Variants in GRID2 observed in about 807,000 individuals in gnomAD.
The protein encoded by GRID2 is glutamate ionotropic receptor delta type subunit 2, also known as glutamate receptor ionotropic, delta-2.
In GRID2, 33 loss-of-function variants were observed where a neutral mutation model predicts 114.8. That is an observed-to-expected ratio of 0.29 (90% confidence interval 0.22 to 0.38). The LOEUF is 0.38. GRID2 is among the 10% of genes least tolerant of loss of function. The pLI is 1.00. For synonymous variants in GRID2, 505 were observed against 449.9 expected (o/e 1.12, Z -1.55); for missense variants, 1,184 against 1,257.7 (o/e 0.94, Z 0.89).
At chr4:92,571,507 T>C (rs563597034) in intron 1 of GRID2, among the ~76,000 whole-genome samples, 16 of 152,270 alleles carry the variant, frequency 1.1e-4, no homozygotes, top group African/African-American at 3.6e-4. Flanking sequence ...ATCCAGGAAT[T>C]GAACTCAGCT....
intron 1 of GRID2, among the ~76,000 whole-genome samples, chr4:92,445,364 A>G (rs183950326): frequency 7.5e-4 from 114 of 152,340 alleles, no homozygotes; most frequent in African/African-American, 2.6e-3. Flanking sequence ...ATCAGCATAT[A>G]AAAGTGAAGG....
chr4:92,598,454 A>G (rs1729054510), intron 2 of GRID2, among the ~76,000 whole-genome samples: 1 of 152,026 alleles, frequency 6.6e-6, no homozygotes, highest in African/African-American at 2.4e-5. Context: ...GACTCTCCAT[A>G]TTATACTGCA....
intron 13 of GRID2, among the ~76,000 whole-genome samples, chr4:93,566,223 C>G (rs965643606): frequency 6.6e-6 from 1 of 152,086 alleles, no homozygotes; most frequent in Non-Finnish European, 1.5e-5. Flanking sequence ...GATTGATGCA[C>G]GCAATGTGCA....
chr4:93,691,200 ATAAACT>A (rs764344631), intron 14 of GRID2, among the ~76,000 whole-genome samples: 87 of 152,050 alleles, frequency 5.7e-4, no homozygotes, highest in Middle Eastern at 6.8e-3. Context: ...AAATTCTAAA[ATAAACT>A]TAATGATGAT....
intron 2 of GRID2, among the ~76,000 whole-genome samples, chr4:92,654,630 G>A (rs1327063350): frequency 1.3e-5 from 2 of 151,850 alleles, no homozygotes; most frequent in African/African-American, 2.4e-5. Context: ...ATATTTCATT[G>A]TGGTTTTGAT....
Position 93,055,549 on chromosome 4 carries a change from T to TA in GRID2, c.245-29440dup, listed in dbSNP as rs539094970. Among the ~76,000 whole-genome samples, 113 of 151,880 alleles carry TA rather than the reference T, an allele frequency of 7.4e-4. 3 individuals are homozygous for TA. Among genetic ancestry groups the TA allele is most frequent in the South Asian group, 1.2e-3 (6 of 4,814 alleles). ...CAACAACAACAACAACAAAAACATATAAAAAATGATAATAAATTGGATAGC... is the reference window on the plus strand; with the variant it reads ...CAACAACAACAACAACAAAAACATATAAAAAAATGATAATAAATTGGATAGC... On this transcript the variant is annotated intron_variant, in intron 2 of 15. Coordinates refer to ENST00000282020, the MANE Select transcript of GRID2 (RefSeq NM_001510.4).
At chr4:93,338,553 A>C (rs1307392325) in intron 8 of GRID2, among the ~76,000 whole-genome samples, 2 of 152,228 alleles carry the variant, frequency 1.3e-5, no homozygotes, top group African/African-American at 4.8e-5. Flanking sequence ...TTATAATATA[A>C]ATTTTGTATT....
intron 8 of GRID2, among the ~76,000 whole-genome samples, chr4:93,267,284 C>CCA (rs1021799056): frequency 5.3e-5 from 8 of 151,736 alleles, no homozygotes; most frequent in African/African-American, 1.7e-4. Context: ...TGCGCTGCAC[C>CCA]CACTAACTCT....
At chr4:93,522,021 G>T (rs1264044555) in intron 13 of GRID2, among the ~76,000 whole-genome samples, 3 of 152,138 alleles carry the variant, frequency 2.0e-5, no homozygotes, top group Admixed American at 2.0e-4. Flanking sequence ...ATGCAATAAA[G>T]AGAAGGAAAC....
intron 11 of GRID2, among the ~76,000 whole-genome samples, chr4:93,456,847 A>G (rs796555454): frequency 5.3e-5 from 8 of 152,260 alleles, no homozygotes; most frequent in African/African-American, 1.9e-4. Flanking sequence ...ATTCTAATTT[A>G]ATCAAAGATT....
intron 13 of GRID2, among the ~76,000 whole-genome samples, chr4:93,616,475 A>T (rs1189824897): frequency 6.6e-6 from 1 of 150,410 alleles, no homozygotes; most frequent in East Asian, 2.0e-4. Flanking sequence ...TGAACCCTGG[A>T]GGTGGAGGCT....
chr4:92,628,642 G>A (rs1157899378), intron 2 of GRID2, among the ~76,000 whole-genome samples: 1 of 152,158 alleles, frequency 6.6e-6, no homozygotes, highest in Non-Finnish European at 1.5e-5. Flanking sequence ...ACAGGCGTGA[G>A]CCATAGCGCC....
At chr4:93,463,312 T>C (rs1723929260) in intron 11 of GRID2, among the ~76,000 whole-genome samples, 2 of 152,298 alleles carry the variant, frequency 1.3e-5, no homozygotes, top group African/African-American at 4.8e-5. Flanking sequence ...AATGCATTGG[T>C]TTACATTCCT....
At chr4:93,169,599 T>A (rs1738599489) in intron 4 of GRID2, among the ~76,000 whole-genome samples, 1 of 152,206 alleles carries the variant, frequency 6.6e-6, no homozygotes, top group African/African-American at 2.4e-5. Context: ...TTTAAAAGCA[T>A]CCTTTATATC....
chr4:92,415,224 T>G (rs1453808377), intron 1 of GRID2, among the ~76,000 whole-genome samples: 1 of 152,092 alleles, frequency 6.6e-6, no homozygotes, highest in Admixed American at 6.6e-5. Flanking sequence ...TTACCATAAT[T>G]TACCACTGAC....
chr4:92,924,611 T>G (rs1297921782), intron 2 of GRID2, among the ~76,000 whole-genome samples: 1 of 152,110 alleles, frequency 6.6e-6, no homozygotes, highest in Non-Finnish European at 1.5e-5. Flanking sequence ...GATCGGTCCA[T>G]GCCATGCTGT....
At chr4:93,309,261 G>C (rs1325105590) in intron 8 of GRID2, among the ~76,000 whole-genome samples, 5 of 152,132 alleles carry the variant, frequency 3.3e-5, no homozygotes, top group Non-Finnish European at 7.3e-5. Flanking sequence ...GAGGCAGGGT[G>C]CGGTGGCTCA....
chr4:92,698,354 T>G (rs1290036614), intron 2 of GRID2, among the ~76,000 whole-genome samples: 4 of 152,122 alleles, frequency 2.6e-5, no homozygotes, highest in Admixed American at 2.6e-4. Flanking sequence ...GTTGTAAAAG[T>G]GTTTATAATC....
intron 2 of GRID2, among the ~76,000 whole-genome samples, chr4:92,936,011 T>G (rs919950275): frequency 3.4e-5 from 5 of 146,352 alleles, no homozygotes; most frequent in South Asian, 4.7e-4. Context: ...ATTGTGCACA[T>G]GTACCCTAAA....
Sources: gnomAD v4.1 joint callset for allele counts (sites outside exome capture counted in the v4.1 genomes callset) on GRCh38, gnomAD v4.1.1 for gene constraint, MANE v1.5 for transcripts, NCBI Gene and HGNC (gene_info 2026-07-23, HGNC 2026-07-21) for gene names.